LAMTOR3: variants seen among roughly 807,000 people sequenced by gnomAD.
LAMTOR3 encodes late endosomal/lysosomal adaptor, MAPK and MTOR activator 3.
In LAMTOR3, 14 loss-of-function variants were observed where a neutral mutation model predicts 20.3. That is an observed-to-expected ratio of 0.69 (90% confidence interval 0.46 to 1.08). The LOEUF (loss-of-function observed/expected upper bound fraction) is 1.08, where lower values mean the gene tolerates loss of function less well. LAMTOR3 is among the 50% of genes least tolerant of loss of function. LAMTOR3 has a pLI of 0.00. For synonymous variants in LAMTOR3, 40 were observed against 49.4 expected (o/e 0.81, Z 0.80); for missense variants, 125 against 143.7 (o/e 0.87, Z 0.67).
In LAMTOR3 at chr4:99,880,621, AAGC is replaced by A. The variant is rs1184004824; in HGVS notation, c.*1370_*1372del. 1 of 152,668 alleles carries A rather than the reference AAGC, an allele frequency of 6.6e-6. No homozygotes were observed. The highest frequency in any genetic ancestry group is 2.4e-5 in the African/African-American group (1 of 41,434). The allele number at this position is 152,668 out of a possible 1,614,324, so 9.5% of individuals were successfully genotyped here. ...TTAAAAAAAAAAAGAAAGAAAGAAA[AAGC>A]AGCACAGCACCTAGCCAATTGCCTC... On this transcript the variant is annotated 3_prime_UTR_variant, in exon 7 of 7. Coordinates refer to ENST00000499666, the MANE Select transcript of LAMTOR3 (RefSeq NM_021970.4).
intron 3 of LAMTOR3, among the ~76,000 whole-genome samples, 171 bp downstream of exon 3, chr4:99,891,829 G>A (rs1725027939): frequency 1.3e-5 from 2 of 152,254 alleles, no homozygotes; most frequent in Non-Finnish European, 2.9e-5. Context: ...ACATAAATGA[G>A]GAAAGCGGTT....
chr4:99,879,217 T>C lies in LAMTOR3; in HGVS notation c.*2777A>G, dbSNP rs748047892. 1.3e-5 allele frequency: 2 copies of C among 152,218 alleles called. No homozygotes were observed. The highest frequency in any genetic ancestry group is 4.1e-4 in the South Asian group (2 of 4,830). The allele number at this position is 152,218 out of a possible 1,614,324, so 9.4% of individuals were successfully genotyped here. A position where few individuals can be genotyped will look rare whatever the true frequency, so the allele number is the denominator to read the frequency against. ...GAAGTCTTTTTTCTGGGTGAGTACA[T>C]ACCATTGATATCTAGTTGTGCATTC... On this transcript the variant is annotated 3_prime_UTR_variant, in exon 7 of 7. Transcript: ENST00000499666.
chr4:99,887,334 A>C lies in LAMTOR3; in HGVS notation c.65T>G (p.Ile22Ser), dbSNP rs757136295. ...KLPSVEGLHA[I>S]VVSDRDGVPV... ...TACTCCATCTCTATCTGACACAACAATGGCATGGAGCCCTTCAACACTAGA... is the reference window on the plus strand; with the variant it reads ...TACTCCATCTCTATCTGACACAACACTGGCATGGAGCCCTTCAACACTAGA... The change falls in exon 4 of 7, where the codon ATT (isoleucine) becomes AGT (serine). Residue 22 changes from isoleucine to serine, a missense_variant. Ile to Ser is a moderately radical substitution (Grantham distance 142, BLOSUM62 -2). Transcript: ENST00000499666. 4.5e-6 allele frequency: 7 copies of C among 1,552,196 alleles called. No homozygotes were observed. Among genetic ancestry groups the C allele is most frequent in the Non-Finnish European group, 6.1e-6 (7 of 1,143,266 alleles).
At chr4:99,891,938 G>A (rs2110183592) in intron 3 of LAMTOR3, 62 bp downstream of exon 3, 3 of 1,528,026 alleles carry the variant, frequency 2.0e-6, no homozygotes, top group Non-Finnish European at 2.6e-6. Context: ...CAGACAAAAT[G>A]CTTCATAAAA....
chr4:99,891,617 G>C (rs775272375), intron 3 of LAMTOR3, among the ~76,000 whole-genome samples: 1 of 151,894 alleles, frequency 6.6e-6, no homozygotes, highest in Non-Finnish European at 1.5e-5. Flanking sequence ...GTGACATTTA[G>C]AAAAAGAGAT....
intron 3 of LAMTOR3, among the ~76,000 whole-genome samples, chr4:99,891,180 T>C (rs1365034279): frequency 6.6e-6 from 1 of 152,178 alleles, no homozygotes; most frequent in African/African-American, 2.4e-5. Context: ...TATGTACTAT[T>C]AACTATTTCA....
rs1724830889 is a variant in LAMTOR3 at position 99,881,734 on chromosome 4, T to C, written c.*260A>G. 2.5e-6 allele frequency: 1 copy of C among 395,782 alleles called. No individual in the cohort carries two copies. The highest frequency in any genetic ancestry group is 5.2e-5 in the East Asian group (1 of 19,330). The allele number at this position is 395,782 out of a possible 1,614,324, so 24.5% of individuals were successfully genotyped here. A position where few individuals can be genotyped will look rare whatever the true frequency, so the allele number is the denominator to read the frequency against. The stretch of plus-strand genomic sequence containing the variant: ...TCTCATCCATATCTGGTGACCAGAC[T>C]AACTCCATGGGAGCTGTGATAGACT... On this transcript the variant is annotated 3_prime_UTR_variant, in exon 7 of 7. Transcript: ENST00000499666.
At chr4:99,894,284 G>T (rs1251490201) in intron 1 of LAMTOR3, 51 bp downstream of exon 1, 5 of 303,446 alleles carry the variant, frequency 1.6e-5, no homozygotes, top group Non-Finnish European at 3.0e-5. Flanking sequence ...CTCACCACCC[G>T]CGCCACCTGC....
At position 99,881,294 on chromosome 4, in the gene LAMTOR3, A is replaced by G. The variant is rs756838344; in HGVS notation, c.*700T>C. The G allele has an allele frequency of 2.0e-5, 3 of 152,276 alleles. No individual in the cohort carries two copies. Among genetic ancestry groups the G allele is most frequent in the Non-Finnish European group, 4.4e-5 (3 of 68,044 alleles). 9.4% of individuals were successfully genotyped at this position (152,276 alleles called of 1,614,324 possible). The stretch of plus-strand genomic sequence containing the variant: ...TTACATACATACTAACATTGGAAAC[A>G]GAATAACGAATTGTATTTAAATTTT... On this transcript the variant is annotated 3_prime_UTR_variant, in exon 7 of 7. Coordinates refer to ENST00000499666, the MANE Select transcript of LAMTOR3 (RefSeq NM_021970.4).
chr4:99,893,956 T>C lies in LAMTOR3; in HGVS notation c.8A>G (p.Asp3Gly). 1 of 1,544,766 alleles carries C rather than the reference T, an allele frequency of 6.5e-7. No homozygotes were observed. The highest frequency in any genetic ancestry group is 1.2e-5 in the South Asian group (1 of 81,782). Reference protein sequence around the residue: MADDLKRFLYKKL... With the variant: MAGDLKRFLYKKL... Reference sequence around the variant, plus strand: ...CTCTTATGTAGGGGTGTCACTCACATCCGCCATGATGAACCCCCTTCTCTC... The same window carrying C: ...CTCTTATGTAGGGGTGTCACTCACACCCGCCATGATGAACCCCCTTCTCTC... The change falls in exon 2 of 7, where the codon GAT (aspartate) becomes GGT (glycine). Residue 3 changes from aspartate to glycine, a missense_variant and splice_region_variant. By Grantham distance (94) the Asp-to-Gly change is moderately conservative. This residue lies in a region of LAMTOR3 where 99 missense variants were observed against 96.0 expected (regional missense o/e 1.03). Coordinates refer to ENST00000499666, the MANE Select transcript of LAMTOR3 (RefSeq NM_021970.4).
Position 99,881,266 on chromosome 4 carries a change from T to C in LAMTOR3, c.*728A>G, listed in dbSNP as rs1343398142. ...TATGAAAAAAATGGCTGTACTATCA[T>C]GTTTACATACATACTAACATTGGAA... On this transcript the variant is annotated 3_prime_UTR_variant, in exon 7 of 7. Coordinates refer to ENST00000499666, the MANE Select transcript of LAMTOR3 (RefSeq NM_021970.4). 3 of 152,236 alleles carry C rather than the reference T, an allele frequency of 2.0e-5. No individual in the cohort carries two copies. The highest frequency in any genetic ancestry group is 4.4e-5 in the Non-Finnish European group (3 of 68,040). The allele number at this position is 152,236 out of a possible 1,614,324, so 9.4% of individuals were successfully genotyped here.
At chr4:99,887,271 T>C (rs768123326) in intron 4 of LAMTOR3, 25 bp downstream of exon 4, 4 of 1,477,504 alleles carry the variant, frequency 2.7e-6, no homozygotes, top group Non-Finnish European at 3.7e-6. Flanking sequence ...AAAGAAGACA[T>C]TTGCATTTAA....
At position 99,885,524 on chromosome 4, in the gene LAMTOR3, T is replaced by C. The variant is rs1157972560; in HGVS notation, c.237+18A>G. 6.4e-7 allele frequency: 1 copy of C among 1,572,008 alleles called. No homozygotes were observed. The highest frequency in any genetic ancestry group is 8.6e-7 in the Non-Finnish European group (1 of 1,161,198). ...TGACAACTGAAATCAGCAAATCATT[T>C]TATAATTATGAACTTACCTGGTAGG... On this transcript the variant is annotated intron_variant, in intron 5 of 6. Transcript: ENST00000499666.
chr4:99,880,143 GC>G lies in LAMTOR3; in HGVS notation c.*1850del, dbSNP rs1331434015. On this transcript the variant is annotated 3_prime_UTR_variant, in exon 7 of 7. Coordinates refer to ENST00000499666, the MANE Select transcript of LAMTOR3 (RefSeq NM_021970.4). ...GGCTATTTTCTTGCCCATTTTAAGT[GC>G]CCCTAGTCTGTGGTTCTATACCATC... The G allele has an allele frequency of 2.0e-5, 3 of 152,016 alleles. No individual in the cohort carries two copies. Among genetic ancestry groups the G allele is most frequent in the Admixed American group, 1.3e-4 (2 of 15,280 alleles). 9.4% of individuals were successfully genotyped at this position (152,016 alleles called of 1,614,324 possible). A position where few individuals can be genotyped will look rare whatever the true frequency, so the allele number is the denominator to read the frequency against.
chr4:99,890,598 T>A (rs1202611862), intron 3 of LAMTOR3, among the ~76,000 whole-genome samples: 1 of 152,156 alleles, frequency 6.6e-6, no homozygotes, highest in Non-Finnish European at 1.5e-5. Context: ...ATAAATGATA[T>A]AATGAGTTGA....
chr4:99,889,145 A>G (rs1724979757), intron 3 of LAMTOR3, among the ~76,000 whole-genome samples: 2 of 152,172 alleles, frequency 1.3e-5, no homozygotes, highest in South Asian at 4.1e-4. Flanking sequence ...GCAGTGAGCC[A>G]AGATTGCGCC....
Position 99,878,475 on chromosome 4 carries a change from G to T in LAMTOR3, c.*3519C>A, listed in dbSNP as rs1001153606. The T allele has an allele frequency of 4.6e-5, 7 of 152,080 alleles. No individual in the cohort carries two copies. The highest frequency in any genetic ancestry group is 3.9e-4 in the Admixed American group (6 of 15,268). The allele number at this position is 152,080 out of a possible 1,614,324, so 9.4% of individuals were successfully genotyped here. A position where few individuals can be genotyped will look rare whatever the true frequency, so the allele number is the denominator to read the frequency against. On this transcript the variant is annotated 3_prime_UTR_variant, in exon 7 of 7. Transcript: ENST00000499666. ...GTACAATGAAGTTTACAATGAAAAG[G>T]CTCACTCCTGGGATCCTTATCCCCC...
Position 99,881,899 on chromosome 4 carries a change from C to A in LAMTOR3, c.*95G>T. ...TTGGAAAAAGGGGCCCTTTCTTGAG[C>A]ACATGGATAAAAGTATTATTGTAGT... On this transcript the variant is annotated 3_prime_UTR_variant, in exon 7 of 7. Coordinates refer to ENST00000499666, the MANE Select transcript of LAMTOR3 (RefSeq NM_021970.4). The A allele has an allele frequency of 1.2e-6, 1 of 852,550 alleles. No individual in the cohort carries two copies. Among genetic ancestry groups the A allele is most frequent in the Non-Finnish European group, 1.9e-6 (1 of 524,652 alleles). The allele number at this position is 852,550 out of a possible 1,614,324, so 52.8% of individuals were successfully genotyped here.
At chr4:99,888,282 A>G (rs1167098584) in intron 3 of LAMTOR3, among the ~76,000 whole-genome samples, 1 of 152,246 alleles carries the variant, frequency 6.6e-6, no homozygotes, top group Non-Finnish European at 1.5e-5. Flanking sequence ...CAAGGCATGT[A>G]AAGTGTAGGC....
Sources: gnomAD v4.1 joint callset for allele counts (sites outside exome capture counted in the v4.1 genomes callset) on GRCh38, gnomAD v4.1.1 for gene constraint, gnomAD v4.1.1 regional missense constraint, MANE v1.5 for transcripts, NCBI Gene and HGNC (gene_info 2026-07-23, HGNC 2026-07-21) for gene names.